CSNK1G1: variants seen among roughly 807,000 people sequenced by gnomAD.
CSNK1G1 encodes the protein casein kinase I isoform gamma-1.
CSNK1G1 carries 22 observed loss-of-function variants against 59.6 expected under a neutral mutation model. That is an observed-to-expected ratio of 0.37 (90% CI 0.26 to 0.53). The LOEUF (loss-of-function observed/expected upper bound fraction) is 0.53. Among genes scored for constraint, CSNK1G1 ranks in the 20% least tolerant of loss-of-function variants. The pLI is 0.89. For missense variants in CSNK1G1, 384 were observed against 519.5 expected, an observed-to-expected ratio of 0.74 and a Z score of 2.54; for synonymous variants, 179 against 177.1, an observed-to-expected ratio of 1.01 and a Z score of -0.08.
At chr15:64,292,568 C>G (rs76921714) in intron 2 of CSNK1G1, among the ~76,000 whole-genome samples, 1 of 152,176 alleles carries the variant, frequency 6.6e-6, no homozygotes. Context: ...TAAAATCATA[C>G]GCCTGTCTCT....
At chr15:64,351,169 A>T (rs1012358768) in intron 1 of CSNK1G1, among the ~76,000 whole-genome samples, 1 of 152,190 alleles carries the variant, frequency 6.6e-6, no homozygotes, top group Admixed American at 6.6e-5. Flanking sequence ...ATATGCTTTA[A>T]AATAAAAATG....
chr15:64,199,598 T>G (rs2082082072), intron 10 of CSNK1G1, among the ~76,000 whole-genome samples: 3 of 152,180 alleles, frequency 2.0e-5, no homozygotes, highest in African/African-American at 7.2e-5. Flanking sequence ...CTCATGCCTG[T>G]AATCCCAGCA....
intron 10 of CSNK1G1, among the ~76,000 whole-genome samples, chr15:64,183,096 T>G (rs115127107): frequency 0.034 from 5,154 of 152,322 alleles, 256 homozygotes; most frequent in African/African-American, 0.11. Flanking sequence ...ATAAAATGTC[T>G]TGGCTTCTAC....
intron 1 of CSNK1G1, among the ~76,000 whole-genome samples, chr15:64,333,189 C>T (rs557380888): frequency 8.0e-6 from 1 of 125,036 alleles, no homozygotes; most frequent in Non-Finnish European, 1.6e-5. Flanking sequence ...CCCAGGAGGC[C>T]AAGGTTGCAG....
chr15:64,204,605 T>G lies in CSNK1G1; in HGVS notation c.851-16A>C. The G allele has an allele frequency of 6.2e-7, 1 of 1,610,960 alleles. No homozygotes were observed. The highest frequency in any genetic ancestry group is 8.5e-7 in the Non-Finnish European group (1 of 1,179,130). On this transcript the variant is annotated splice_polypyrimidine_tract_variant and intron_variant, in intron 8 of 11. Transcript: ENST00000303052. Reference sequence around the variant, plus strand: ...GCCATCTCCTCTGTTAGGAAAGAGATGAAAGGCCCTGCTCATTAGCTGAAT... The same window carrying G: ...GCCATCTCCTCTGTTAGGAAAGAGAGGAAAGGCCCTGCTCATTAGCTGAAT...
In CSNK1G1 at chr15:64,350,260, A is replaced by G. The variant is rs559030354; in HGVS notation, c.-225+5728T>C. On this transcript the variant is annotated intron_variant, in intron 1 of 11. Coordinates refer to ENST00000303052, the MANE Select transcript of CSNK1G1 (RefSeq NM_022048.5). Reference sequence around the variant, plus strand: ...TGTAATCCCAGCACTTTGGGAGGCCAAGGCGGGCGGATCACAAGGTCAGGA... The same window carrying G: ...TGTAATCCCAGCACTTTGGGAGGCCGAGGCGGGCGGATCACAAGGTCAGGA... Among the ~76,000 whole-genome samples, 258 of 152,178 alleles carry G rather than the reference A, an allele frequency of 1.7e-3. 2 individuals are homozygous for G. The highest frequency in any genetic ancestry group is 5.8e-3 in the African/African-American group (241 of 41,524).
chr15:64,201,750 G>T (rs11858137), intron 10 of CSNK1G1, among the ~76,000 whole-genome samples: 3,809 of 106,242 alleles, frequency 0.036, 139 homozygotes, highest in African/African-American at 0.14. Context: ...GTGTGTGTGT[G>T]TTTATATACT....
intron 10 of CSNK1G1, chr15:64,181,418 T>C: frequency 6.5e-7 from 1 of 1,529,702 alleles, no homozygotes; most frequent in Non-Finnish European, 8.7e-7. Flanking sequence ...ACTCTGCTTG[T>C]TAAAGACCTT....
intron 1 of CSNK1G1, among the ~76,000 whole-genome samples, chr15:64,333,319 G>T (rs890961104): frequency 5.6e-5 from 8 of 143,110 alleles, no homozygotes; most frequent in Admixed American, 3.5e-4. Context: ...TGAAACAATG[G>T]CTGGGCACAG....
intron 11 of CSNK1G1, among the ~76,000 whole-genome samples, chr15:64,177,196 G>C (rs2081751040): frequency 6.6e-6 from 1 of 152,156 alleles, no homozygotes; most frequent in Non-Finnish European, 1.5e-5. Flanking sequence ...AAGCCTGAAA[G>C]TGAAGGTTTC....
chr15:64,336,585 C>G lies in CSNK1G1; in HGVS notation c.-225+19403G>C, dbSNP rs572359111. 6.6e-5 allele frequency among the ~76,000 whole-genome samples: 10 copies of G among 152,172 alleles called. No individual in the cohort carries two copies. The South Asian group carries it at 2.1e-3, about 32-fold the overall frequency. On this transcript the variant is annotated intron_variant, in intron 1 of 11. Coordinates refer to ENST00000303052, the MANE Select transcript of CSNK1G1 (RefSeq NM_022048.5). Reference sequence around the variant, plus strand: ...CCAGCCTGGGCAACTTAGAAAGACTCCATCTCAAACAAAAAAATAACAATA... The same window carrying G: ...CCAGCCTGGGCAACTTAGAAAGACTGCATCTCAAACAAAAAAATAACAATA...
Position 64,214,223 on chromosome 15 carries a change from A to G in CSNK1G1, c.445-99T>C. ...CCAGACCAAGGTTTTAATTATTGAA[A>G]TAACAGTAAAATTCATCTCCTTTCA... On this transcript the variant is annotated intron_variant, in intron 5 of 11. Transcript: ENST00000303052. The surrounding 1 kb of genome is among the most constrained non-coding windows in gnomAD (Gnocchi z 4.3). The G allele has an allele frequency of 1.1e-6, 1 of 871,160 alleles. No homozygotes were observed. Among genetic ancestry groups the G allele is most frequent in the Non-Finnish European group, 1.9e-6 (1 of 538,404 alleles). The allele number at this position is 871,160 out of a possible 1,614,324, so 54.0% of individuals were successfully genotyped here. A position where few individuals can be genotyped will look rare whatever the true frequency, so the allele number is the denominator to read the frequency against.
At chr15:64,257,816 G>T (rs1283408557) in intron 3 of CSNK1G1, among the ~76,000 whole-genome samples, 1 of 152,188 alleles carries the variant, frequency 6.6e-6, no homozygotes, top group Non-Finnish European at 1.5e-5. Context: ...GAGCCACTGT[G>T]TCTGTTCGGT....
chr15:64,181,852 T>C (rs55916026), intron 10 of CSNK1G1: 7,038 of 158,110 alleles, frequency 0.045, 211 homozygotes, highest in South Asian at 0.087. Flanking sequence ...CGTAACTGTT[T>C]ATTCTTATCT....
In CSNK1G1 at chr15:64,188,681, A is replaced by G. The variant is rs778824330; in HGVS notation, c.1108-8227T>C. Among the ~76,000 whole-genome samples the G allele has an allele frequency of 1.3e-5, 2 of 152,206 alleles. No homozygotes were observed. Among genetic ancestry groups the G allele is most frequent in the African/African-American group, 2.4e-5 (1 of 41,464 alleles). ...CATTTTAGCCTTAATGAGTCAATACATGAATCTATATCACACCCTCCTTAC... is the reference window on the plus strand; with the variant it reads ...CATTTTAGCCTTAATGAGTCAATACGTGAATCTATATCACACCCTCCTTAC... On this transcript the variant is annotated intron_variant, in intron 10 of 11. Coordinates refer to ENST00000303052, the MANE Select transcript of CSNK1G1 (RefSeq NM_022048.5). The surrounding 1 kb of genome is among the most constrained non-coding windows in gnomAD (Gnocchi z 4.2).
intron 11 of CSNK1G1, among the ~76,000 whole-genome samples, chr15:64,175,579 C>A (rs890506390): frequency 1.4e-4 from 21 of 152,240 alleles, no homozygotes; most frequent in East Asian, 9.6e-4. Flanking sequence ...ATTCCAGGAA[C>A]CTTTTCCAGG....
At chr15:64,259,363 C>G in intron 2 of CSNK1G1, 122 bp from the exon 3 acceptor site, 1 of 644,206 alleles carries the variant, frequency 1.6e-6, no homozygotes, top group Non-Finnish European at 2.6e-6. Context: ...ATAAATGAAA[C>G]TTGATTTATA....
intron 1 of CSNK1G1, among the ~76,000 whole-genome samples, chr15:64,301,886 CA>C (rs1368558306): frequency 4.9e-4 from 64 of 130,080 alleles, no homozygotes; most frequent in Admixed American, 6.3e-4. Context: ...GACTCCGTCT[CA>C]AAAAAAAAAA....
intron 2 of CSNK1G1, among the ~76,000 whole-genome samples, chr15:64,294,477 C>A (rs575706546): frequency 2.6e-4 from 40 of 152,262 alleles, no homozygotes; most frequent in African/African-American, 7.7e-4. Flanking sequence ...GTTATCTCCA[C>A]AGACACCTCT....
Sources: gnomAD v4.1 joint callset for allele counts (sites outside exome capture counted in the v4.1 genomes callset) on GRCh38, gnomAD v4.1.1 for gene constraint, Gnocchi (gnomAD v3.1) non-coding constraint, MANE v1.5 for transcripts, NCBI Gene and HGNC (gene_info 2026-07-23, HGNC 2026-07-21) for gene names.